Variants in NELL2 observed in about 807,000 individuals in gnomAD.
The protein encoded by NELL2 is protein kinase C-binding protein NELL2.
In NELL2, 41 loss-of-function variants were observed where a neutral mutation model predicts 109.6. The observed-to-expected ratio is 0.37, with a 90% CI of 0.29 to 0.49. NELL2 has a LOEUF of 0.49. Ranked by LOEUF, NELL2 falls within the 20% of genes least tolerant of loss-of-function variation. The pLI, the probability that NELL2 is intolerant of heterozygous loss-of-function variation, is 0.98. For missense variants in NELL2, 900 were observed against 1,008.3 expected (o/e 0.89, Z 1.45); for synonymous variants, 355 against 344.7 (o/e 1.03, Z -0.33).
chr12:44,711,132 T>C (rs1225399708), intron 11 of NELL2, among the ~76,000 whole-genome samples, 160 bp downstream of exon 11: 2 of 152,094 alleles, frequency 1.3e-5, no homozygotes, highest in South Asian at 4.1e-4. Context: ...ATTTCATGAC[T>C]ACCTACTGTG....
chr12:44,774,905 G>T, intron 8 of NELL2, 56 bp from the exon 9 acceptor site: 2 of 1,332,666 alleles, frequency 1.5e-6, no homozygotes, highest in South Asian at 1.2e-5. Context: ...TAGTTTTCAA[G>T]AATTTTTGAA....
chr12:44,912,072 G>A (rs537965148), intron 1 of NELL2, among the ~76,000 whole-genome samples: 1 of 151,848 alleles, frequency 6.6e-6, no homozygotes, highest in Non-Finnish European at 1.5e-5. Flanking sequence ...CTATGTGTTG[G>A]GGGAGGGTAG....
intron 2 of NELL2, among the ~76,000 whole-genome samples, chr12:44,860,446 T>C (rs1944805468): frequency 2.0e-5 from 3 of 152,156 alleles, no homozygotes; most frequent in Admixed American, 2.0e-4. Flanking sequence ...TCAAAATGGG[T>C]CTCCCTAAGC....
At chr12:44,913,694 A>T in intron 1 of NELL2, 1 of 483,364 alleles carries the variant, frequency 2.1e-6, no homozygotes, top group Non-Finnish European at 3.7e-6. Flanking sequence ...GATTCACATC[A>T]AAACCACAGC....
At chr12:44,905,487 T>C (rs530589443) in intron 1 of NELL2, among the ~76,000 whole-genome samples, 2 of 152,084 alleles carry the variant, frequency 1.3e-5, no homozygotes, top group Non-Finnish European at 2.9e-5. Flanking sequence ...ATGTGTTCTT[T>C]CATTAGTAAA....
At chr12:44,521,455 G>A (rs1592061887) in intron 18 of NELL2, among the ~76,000 whole-genome samples, 2 of 150,470 alleles carry the variant, frequency 1.3e-5, no homozygotes, top group East Asian at 3.9e-4. Flanking sequence ...GCGTGAACCC[G>A]GGAGGCGGAG....
At chr12:44,645,009 T>C (rs1429104609) in intron 13 of NELL2, among the ~76,000 whole-genome samples, 2 of 151,916 alleles carry the variant, frequency 1.3e-5, no homozygotes, top group Non-Finnish European at 2.9e-5. Context: ...TAGGTTAAAA[T>C]ACAGAGGATG....
intron 3 of NELL2, among the ~76,000 whole-genome samples, chr12:44,813,284 T>C (rs1161730057): frequency 2.0e-5 from 3 of 152,198 alleles, no homozygotes; most frequent in Non-Finnish European, 4.4e-5. Context: ...TTAATAACTG[T>C]TAGCTTACTC....
intron 12 of NELL2, among the ~76,000 whole-genome samples, chr12:44,666,415 C>T (rs2136341233): frequency 6.6e-6 from 1 of 152,274 alleles, no homozygotes; most frequent in East Asian, 1.9e-4. Context: ...ATGCATTGGT[C>T]AGACAAGGAA....
At chr12:44,800,619 T>C (rs1346597310) in intron 3 of NELL2, among the ~76,000 whole-genome samples, 1 of 152,198 alleles carries the variant, frequency 6.6e-6, no homozygotes, top group Non-Finnish European at 1.5e-5. Flanking sequence ...TCAAAGCCCC[T>C]GAATGTCCTA....
At chr12:44,622,101 A>G (rs183471138) in intron 13 of NELL2, among the ~76,000 whole-genome samples, 3 of 152,282 alleles carry the variant, frequency 2.0e-5, no homozygotes, top group Admixed American at 2.0e-4. Context: ...CATATGGATG[A>G]ATCAATGATG....
chr12:44,740,737 C>T (rs1279841288), intron 9 of NELL2, among the ~76,000 whole-genome samples: 1 of 152,030 alleles, frequency 6.6e-6, no homozygotes, highest in Non-Finnish European at 1.5e-5. Context: ...CTCTGCTATA[C>T]CAAAGGAAAG....
rs552650689 is a variant in NELL2 at position 44,578,035 on chromosome 12, C to T, written c.1663+29134G>A. Among the ~76,000 whole-genome samples, 5 of 152,164 alleles carry T rather than the reference C, an allele frequency of 3.3e-5. 1 individual carries two copies. Among genetic ancestry groups the T allele is most frequent in the Admixed American group, 3.3e-4 (5 of 15,294 alleles). The stretch of plus-strand genomic sequence containing the variant: ...AATTCCTTAGAGGTAAGAGCTGGCC[C>T]GTACTTATCTTTGAATACTCTGTAG... On this transcript the variant is annotated intron_variant, in intron 15 of 19. Transcript: ENST00000429094.
intron 13 of NELL2, among the ~76,000 whole-genome samples, chr12:44,663,795 A>T (rs535858999): frequency 1.3e-5 from 2 of 152,234 alleles, no homozygotes; most frequent in Admixed American, 6.5e-5. Context: ...TCTCTTAAAA[A>T]TATCCTGCCC....
intron 2 of NELL2, among the ~76,000 whole-genome samples, chr12:44,845,310 A>T (rs1047142333): frequency 2.4e-4 from 37 of 152,196 alleles, no homozygotes; most frequent in African/African-American, 8.2e-4. Flanking sequence ...ATAATTCCTG[A>T]CTTAAAGTTC....
chr12:44,697,473 T>A (rs1485575627), intron 12 of NELL2, among the ~76,000 whole-genome samples: 1 of 152,172 alleles, frequency 6.6e-6, no homozygotes, highest in Non-Finnish European at 1.5e-5. Flanking sequence ...GGGGAAAATG[T>A]GCAAACTCCA....
At chr12:44,622,733 C>A (rs1401234805) in intron 13 of NELL2, among the ~76,000 whole-genome samples, 1 of 151,950 alleles carries the variant, frequency 6.6e-6, no homozygotes, top group Non-Finnish European at 1.5e-5. Flanking sequence ...AGAATGATTC[C>A]TCCGATTTTA....
chr12:44,599,969 T>G (rs1351459807), intron 15 of NELL2, among the ~76,000 whole-genome samples: 2 of 146,432 alleles, frequency 1.4e-5, no homozygotes, highest in African/African-American at 5.0e-5. Context: ...CGTTTTTTTT[T>G]TTTTTTTTTT....
At chr12:44,649,271 G>A (rs545079304) in intron 13 of NELL2, among the ~76,000 whole-genome samples, 47 of 143,920 alleles carry the variant, frequency 3.3e-4, no homozygotes, top group African/African-American at 1.1e-3. Context: ...GTAATCCAGC[G>A]TCTGAACCAC....
Sources: gnomAD v4.1 joint callset for allele counts (sites outside exome capture counted in the v4.1 genomes callset) on GRCh38, gnomAD v4.1.1 for gene constraint, MANE v1.5 for transcripts, NCBI Gene and HGNC (gene_info 2026-07-23, HGNC 2026-07-21) for gene names.